Variants in NRXN1 observed in about 807,000 individuals in gnomAD.
NRXN1 encodes the protein neurexin 1, also known as neurexin-1.
NRXN1 carries 39 observed loss-of-function variants against 150.9 expected under a neutral mutation model. That is an observed-to-expected ratio of 0.26 (90% CI 0.20 to 0.34). NRXN1 has a LOEUF of 0.34. Ranked by LOEUF, NRXN1 falls within the 10% of genes least tolerant of loss-of-function variation. The pLI is 1.00. For missense variants in NRXN1, 1,815 were observed against 1,949.9 expected, an observed-to-expected ratio of 0.93 and a Z score of 1.30; for synonymous variants, 924 against 757.0, an observed-to-expected ratio of 1.22 and a Z score of -3.62.
chr2:50,329,026 C>T (rs781251362), intron 17 of NRXN1, among the ~76,000 whole-genome samples: 2 of 151,818 alleles, frequency 1.3e-5, no homozygotes, highest in Non-Finnish European at 2.9e-5. Context: ...GATAAGAAGG[C>T]TAGAAAAGAA....
At chr2:50,635,321 CTTT>C (rs60283749) in intron 5 of NRXN1, among the ~76,000 whole-genome samples, 1 of 139,210 alleles carries the variant, frequency 7.2e-6, no homozygotes, top group Non-Finnish European at 1.6e-5. Flanking sequence ...CCATGCCTAG[CTTT>C]TTTTTTTTTT....
At chr2:50,465,165 T>C (rs1350816981) in intron 17 of NRXN1, among the ~76,000 whole-genome samples, 1 of 151,772 alleles carries the variant, frequency 6.6e-6, no homozygotes, top group African/African-American at 2.4e-5. Flanking sequence ...TTGTCATATA[T>C]TGGAAATGAA....
intron 21 of NRXN1, among the ~76,000 whole-genome samples, chr2:50,040,477 G>A (rs1217790579): frequency 6.6e-6 from 1 of 151,836 alleles, no homozygotes; most frequent in African/African-American, 2.4e-5. Flanking sequence ...GATTGTATAA[G>A]TATTGTATAA....
intron 17 of NRXN1, among the ~76,000 whole-genome samples, chr2:50,332,103 C>G (rs773688786): frequency 6.6e-6 from 1 of 151,794 alleles, no homozygotes; most frequent in African/African-American, 2.4e-5. Flanking sequence ...TAAAAGCTAT[C>G]GAGGTACTAA....
At chr2:50,676,837 A>AATTC (rs996109060) in intron 5 of NRXN1, among the ~76,000 whole-genome samples, 13 of 152,282 alleles carry the variant, frequency 8.5e-5, no homozygotes, top group African/African-American at 2.4e-4. Flanking sequence ...TCTCTGTTAC[A>AATTC]ATTCATTCAT....
At chr2:51,026,608 C>T (rs1190133416) in intron 2 of NRXN1, 10 of 646,400 alleles carry the variant, frequency 1.5e-5, no homozygotes, top group Non-Finnish European at 2.7e-5. Flanking sequence ...CTTAGAAAAT[C>T]TCTTGCAATC....
intron 5 of NRXN1, among the ~76,000 whole-genome samples, chr2:50,762,513 C>T (rs942857775): frequency 6.6e-6 from 1 of 151,768 alleles, no homozygotes; most frequent in South Asian, 2.1e-4. Context: ...TCTAATAGTG[C>T]CCTGTGTCTA....
intron 18 of NRXN1, among the ~76,000 whole-genome samples, chr2:50,233,343 T>A (rs1308884761): frequency 6.6e-6 from 1 of 152,018 alleles, no homozygotes; most frequent in Non-Finnish European, 1.5e-5. Flanking sequence ...GCCACCTGAC[T>A]CAAAAACCAT....
At chr2:50,592,201 T>G (rs79916102) in intron 8 of NRXN1, among the ~76,000 whole-genome samples, 3,188 of 152,308 alleles carry the variant, frequency 0.021, 119 homozygotes, top group African/African-American at 0.073. Flanking sequence ...AATGACAGTT[T>G]AAGGAAATTA....
At chr2:50,505,846 C>T (rs1173598055) in intron 13 of NRXN1, among the ~76,000 whole-genome samples, 1 of 152,116 alleles carries the variant, frequency 6.6e-6, no homozygotes, top group East Asian at 1.9e-4. Flanking sequence ...AGCTAATATC[C>T]CAGTGGGTCA....
chr2:50,553,357 A>G (rs1424345367), intron 8 of NRXN1, among the ~76,000 whole-genome samples: 1 of 152,216 alleles, frequency 6.6e-6, no homozygotes, highest in East Asian at 1.9e-4. Context: ...TAAGACTTGA[A>G]CTTATAAAAG....
At chr2:50,423,577 A>T (rs1460689273) in intron 17 of NRXN1, among the ~76,000 whole-genome samples, 1 of 152,100 alleles carries the variant, frequency 6.6e-6, no homozygotes, top group Admixed American at 6.6e-5. Flanking sequence ...CGAGATATTA[A>T]TTTTTTTCAT....
chr2:50,025,881 C>CAA (rs1224231784), intron 21 of NRXN1, among the ~76,000 whole-genome samples: 1 of 152,140 alleles, frequency 6.6e-6, no homozygotes, highest in Non-Finnish European at 1.5e-5. Flanking sequence ...TCTTACTCCC[C>CAA]AATTAATTTT....
intron 17 of NRXN1, among the ~76,000 whole-genome samples, chr2:50,383,281 A>G (rs531325798): frequency 1.1e-4 from 17 of 152,200 alleles, no homozygotes; most frequent in African/African-American, 4.1e-4. Flanking sequence ...AGATACTTGG[A>G]ACCCAGGTAT....
At chr2:50,114,607 A>T (rs1702787931) in intron 18 of NRXN1, among the ~76,000 whole-genome samples, 1 of 152,156 alleles carries the variant, frequency 6.6e-6, no homozygotes, top group Admixed American at 6.6e-5. Flanking sequence ...TAGGCAACCA[A>T]GATGTCCTTC....
chr2:50,999,441 A>G (rs992384541), intron 2 of NRXN1, among the ~76,000 whole-genome samples: 8 of 152,072 alleles, frequency 5.3e-5, no homozygotes, highest in Admixed American at 3.9e-4. Flanking sequence ...TAAAAGGGAA[A>G]AGGAGCAACA....
chr2:50,950,843 T>C (rs879416663), intron 2 of NRXN1, among the ~76,000 whole-genome samples: 1 of 152,230 alleles, frequency 6.6e-6, no homozygotes, highest in Non-Finnish European at 1.5e-5. Context: ...GTTCTAATTA[T>C]CATCTCCATT....
At chr2:50,371,355 T>C (rs923304096) in intron 17 of NRXN1, among the ~76,000 whole-genome samples, 1 of 152,066 alleles carries the variant, frequency 6.6e-6, no homozygotes, top group African/African-American at 2.4e-5. Context: ...TAGGCTTCAA[T>C]ACTATCAATG....
At chr2:50,461,658 C>T (rs1015256619) in intron 17 of NRXN1, among the ~76,000 whole-genome samples, 20 of 151,996 alleles carry the variant, frequency 1.3e-4, no homozygotes, top group Middle Eastern at 6.8e-3. Flanking sequence ...ATAGTAAGTG[C>T]TCAGCAAATG....
Sources: gnomAD v4.1 joint callset for allele counts (sites outside exome capture counted in the v4.1 genomes callset) on GRCh38, gnomAD v4.1.1 for gene constraint, MANE v1.5 for transcripts, NCBI Gene and HGNC (gene_info 2026-07-23, HGNC 2026-07-21) for gene names.